Variants in PPFIA2 observed in about 807,000 individuals in gnomAD.
The protein encoded by PPFIA2 is liprin-alpha-2.
Under a neutral mutation model 175.5 loss-of-function variants are expected in PPFIA2, and 46 were observed. The observed-to-expected ratio is 0.26, with a 90% confidence interval of 0.21 to 0.34. The LOEUF (loss-of-function observed/expected upper bound fraction) is 0.34, where lower values mean the gene tolerates loss of function less well. PPFIA2 is among the 10% of genes least tolerant of loss of function. The pLI, the probability that PPFIA2 is intolerant of heterozygous loss-of-function variation, is 1.00. For synonymous variants in PPFIA2, 568 were observed against 511.4 expected, an observed-to-expected ratio of 1.11 and a Z score of -1.49; for missense variants, 1,179 against 1,506.1, an observed-to-expected ratio of 0.78 and a Z score of 3.60.
intron 4 of PPFIA2, among the ~76,000 whole-genome samples, chr12:81,551,051 T>C (rs977236210): frequency 2.6e-5 from 4 of 151,626 alleles, no homozygotes; most frequent in Non-Finnish European, 5.9e-5. Flanking sequence ...ACAGAAAAGA[T>C]AGAGAAAGCA....
intron 4 of PPFIA2, among the ~76,000 whole-genome samples, chr12:81,476,689 C>T (rs560329544): frequency 2.2e-4 from 34 of 152,234 alleles, no homozygotes; most frequent in African/African-American, 7.7e-4. Context: ...TACCATTTGA[C>T]CCAGCAATCC....
At chr12:81,695,653 C>A (rs979344346) in intron 3 of PPFIA2, among the ~76,000 whole-genome samples, 80 of 152,216 alleles carry the variant, frequency 5.3e-4, no homozygotes, top group African/African-American at 1.9e-3. Flanking sequence ...TTTAAAAAAA[C>A]AATATAAATT....
At chr12:81,476,053 G>T (rs2057440157) in intron 4 of PPFIA2, among the ~76,000 whole-genome samples, 1 of 152,172 alleles carries the variant, frequency 6.6e-6, no homozygotes, top group Admixed American at 6.5e-5. Context: ...TTGATGATAA[G>T]TTTCTTCTAG....
chr12:81,645,578 T>G lies in PPFIA2; in HGVS notation c.303+31213A>C, dbSNP rs116730790. ...AGAGGTAGGTAATTCTGAAAAGTAT[T>G]ATTTTTTTCTTAAACATTCAGAAAG... On this transcript the variant is annotated intron_variant, in intron 4 of 32. Transcript: ENST00000549396. Among the ~76,000 whole-genome samples, 201 of 152,364 alleles carry G rather than the reference T, an allele frequency of 1.3e-3. 4 individuals are homozygous for G. Among genetic ancestry groups the G allele is most frequent in the African/African-American group, 4.6e-3 (192 of 41,588 alleles).
intron 4 of PPFIA2, among the ~76,000 whole-genome samples, chr12:81,495,666 T>C (rs1443928904): frequency 6.6e-6 from 1 of 151,864 alleles, no homozygotes; most frequent in Non-Finnish European, 1.5e-5. Flanking sequence ...CAAATAAAAA[T>C]TAACTAGGCA....
chr12:81,348,247 C>T (rs771889001), intron 17 of PPFIA2, among the ~76,000 whole-genome samples: 1 of 152,064 alleles, frequency 6.6e-6, no homozygotes, highest in African/African-American at 2.4e-5. Context: ...AATCTTACCT[C>T]CTACCTAATG....
chr12:81,456,610 T>G (rs2145753491), intron 5 of PPFIA2, among the ~76,000 whole-genome samples: 1 of 152,318 alleles, frequency 6.6e-6, no homozygotes, highest in Non-Finnish European at 1.5e-5. Context: ...ACATTTAAAC[T>G]ATTTTTCACC....
chr12:81,535,412 T>C (rs1218770519), intron 4 of PPFIA2: 1 of 455,450 alleles, frequency 2.2e-6, no homozygotes, highest in Non-Finnish European at 4.4e-6. Flanking sequence ...AAAGACAAGA[T>C]GGTACCCACC....
At chr12:81,609,600 C>A (rs2060681306) in intron 4 of PPFIA2, among the ~76,000 whole-genome samples, 1 of 152,116 alleles carries the variant, frequency 6.6e-6, no homozygotes, top group Non-Finnish European at 1.5e-5. Context: ...GGGACGCTTT[C>A]TCTTTTTTGT....
intron 3 of PPFIA2, among the ~76,000 whole-genome samples, chr12:81,715,826 T>C (rs570226799): frequency 1.3e-5 from 2 of 151,846 alleles, no homozygotes; most frequent in East Asian, 3.9e-4. Context: ...TCTTTTTTAC[T>C]ATTAAAAATT....
chr12:81,738,160 T>C (rs1222025890), intron 3 of PPFIA2, among the ~76,000 whole-genome samples: 2 of 150,744 alleles, frequency 1.3e-5, no homozygotes, highest in Admixed American at 1.3e-4. Flanking sequence ...ACAATTAAAT[T>C]GACACCTGCC....
At chr12:81,692,378 T>C (rs2075359715) in intron 3 of PPFIA2, among the ~76,000 whole-genome samples, 1 of 152,092 alleles carries the variant, frequency 6.6e-6, no homozygotes, top group Non-Finnish European at 1.5e-5. Flanking sequence ...GCCAAATTCC[T>C]ACCCACAGAT....
intron 4 of PPFIA2, among the ~76,000 whole-genome samples, chr12:81,666,582 A>C (rs989274155): frequency 1.3e-5 from 2 of 152,110 alleles, no homozygotes; most frequent in Non-Finnish European, 2.9e-5. Flanking sequence ...GGACACAGGA[A>C]GGGGAACATC....
chr12:81,698,903 G>A (rs1328336928), intron 3 of PPFIA2, among the ~76,000 whole-genome samples: 2 of 152,064 alleles, frequency 1.3e-5, no homozygotes, highest in Non-Finnish European at 2.9e-5. Flanking sequence ...ATTAACATTT[G>A]TTGTAATAAA....
At chr12:81,421,043 C>T (rs1248610702) in intron 7 of PPFIA2, among the ~76,000 whole-genome samples, 1 of 152,066 alleles carries the variant, frequency 6.6e-6, no homozygotes, top group Non-Finnish European at 1.5e-5. Context: ...AAATAACTGT[C>T]TACCAAGAAC....
chr12:81,580,166 T>C (rs188746066), intron 4 of PPFIA2, among the ~76,000 whole-genome samples: 26 of 152,014 alleles, frequency 1.7e-4, no homozygotes, highest in African/African-American at 5.5e-4. Context: ...GTACTGTAAG[T>C]ACACCTGTTT....
intron 14 of PPFIA2, among the ~76,000 whole-genome samples, chr12:81,366,290 A>G (rs529942241): frequency 6.6e-6 from 1 of 151,692 alleles, no homozygotes; most frequent in African/African-American, 2.4e-5. Context: ...AAATTTCACA[A>G]TCTGCCCTTA....
At chr12:81,404,927 C>A (rs890627252) in intron 8 of PPFIA2, among the ~76,000 whole-genome samples, 1 of 152,164 alleles carries the variant, frequency 6.6e-6, no homozygotes, top group Non-Finnish European at 1.5e-5. Context: ...ATTTAGCTAG[C>A]TGATTCATGT....
At chr12:81,649,726 T>C (rs539063199) in intron 4 of PPFIA2, among the ~76,000 whole-genome samples, 5 of 152,170 alleles carry the variant, frequency 3.3e-5, no homozygotes, top group Non-Finnish European at 7.3e-5. Context: ...GAGGAACTAT[T>C]TTACACTACT....
Sources: gnomAD v4.1 joint callset for allele counts (sites outside exome capture counted in the v4.1 genomes callset) on GRCh38, gnomAD v4.1.1 for gene constraint, MANE v1.5 for transcripts, NCBI Gene and HGNC (gene_info 2026-07-23, HGNC 2026-07-21) for gene names.